Variants in ASXL2 observed in about 807,000 individuals in gnomAD.
ASXL2 encodes the protein ASXL transcriptional regulator 2.
Under a neutral mutation model 122.0 loss-of-function variants are expected in ASXL2, and 23 were observed. The observed-to-expected ratio is 0.19, with a 90% CI of 0.14 to 0.27. The LOEUF is 0.27. Ranked by LOEUF, ASXL2 falls within the 10% of genes least tolerant of loss-of-function variation. The probability of loss-of-function intolerance (pLI) is 1.00; values close to 1 mark genes in which losing one functional copy is unlikely to be tolerated. For synonymous variants in ASXL2, 650 were observed against 637.0 expected (o/e 1.02, Z -0.31); for missense variants, 1,518 against 1,713.8 (o/e 0.89, Z 2.02).
intron 5 of ASXL2, among the ~76,000 whole-genome samples, chr2:25,796,351 G>C (rs2088910669): frequency 6.6e-6 from 1 of 152,132 alleles, no homozygotes; most frequent in Non-Finnish European, 1.5e-5. Flanking sequence ...TGTCTGTTTT[G>C]CTCTGGAACA....
At chr2:25,797,342 G>C (rs530619063) in intron 5 of ASXL2, among the ~76,000 whole-genome samples, 1 of 152,284 alleles carries the variant, frequency 6.6e-6, no homozygotes, top group South Asian at 2.1e-4. Flanking sequence ...CTACTCGGGA[G>C]GCCAAGGCAG....
At chr2:25,772,215 G>A (rs1318743945) in intron 5 of ASXL2, among the ~76,000 whole-genome samples, 2 of 152,046 alleles carry the variant, frequency 1.3e-5, no homozygotes, top group Non-Finnish European at 2.9e-5. Flanking sequence ...AGATATTTAT[G>A]TTCTATAAAA....
intron 1 of ASXL2, chr2:25,856,560 C>A: frequency 1.7e-6 from 2 of 1,143,322 alleles, no homozygotes; most frequent in South Asian, 2.4e-5. Context: ...TTTCGCCAGA[C>A]GCTCCAAGGG....
At position 25,799,378 on chromosome 2, in the gene ASXL2, G is replaced by A. The variant is rs1407414379; in HGVS notation, c.403+7C>T. 1 of 1,613,960 alleles carries A rather than the reference G, an allele frequency of 6.2e-7. No individual in the cohort carries two copies. The highest frequency in any genetic ancestry group is 1.7e-5 in the Admixed American group (1 of 60,022). ...TAGTACTTTATTGAAGGATCAGGTG[G>A]ATTTACCTTTCCTTTTCCACCTGCT... On this transcript the variant is annotated splice_region_variant and intron_variant, in intron 5 of 12. Transcript: ENST00000435504.
chr2:25,759,575 A>G lies in ASXL2; in HGVS notation c.846T>C (p.Asn282=), dbSNP rs1323640242. The change falls in exon 9 of 13, where the codon AAT becomes AAC. Residue 282 remains asparagine (N), a synonymous_variant. Transcript: ENST00000435504. ...ETPDSILVNT[N]LRALINKHTF... ...TGTGCTTGTTGATCAGTGCTCGCAGATTTGTATTAACCAGAATGGAGTCCG... is the reference window on the plus strand; with the variant it reads ...TGTGCTTGTTGATCAGTGCTCGCAGGTTTGTATTAACCAGAATGGAGTCCG... The G allele has an allele frequency of 6.2e-7, 1 of 1,613,992 alleles. No homozygotes were observed. The highest frequency in any genetic ancestry group is 1.1e-5 in the South Asian group (1 of 91,084).
At position 25,735,238 on chromosome 2, in the gene ASXL2, T is replaced by C. The variant is rs2087716070; in HGVS notation, c.*6791A>G. ...ACATGGAAGTACAGAGTCTATACAG[T>C]CTCTATGAAAAACAAAAGCAAAACT... On this transcript the variant is annotated 3_prime_UTR_variant, in exon 13 of 13. Coordinates refer to ENST00000435504, the MANE Select transcript of ASXL2 (RefSeq NM_018263.6). The C allele has an allele frequency of 6.6e-6, 1 of 152,136 alleles. No individual in the cohort carries two copies. The allele number at this position is 152,136 out of a possible 1,614,324, so 9.4% of individuals were successfully genotyped here. A position where few individuals can be genotyped will look rare whatever the true frequency, so the allele number is the denominator to read the frequency against.
chr2:25,749,739 T>C lies in ASXL2; in HGVS notation c.1817A>G (p.Asn606Ser), dbSNP rs748727475. 3.2e-6 allele frequency: 5 copies of C among 1,556,058 alleles called. No individual in the cohort carries two copies. Among genetic ancestry groups the C allele is most frequent in the South Asian group, 1.3e-5 (1 of 79,710 alleles). Residue 606 changes from asparagine to serine, a missense_variant, in exon 12 of 13, where the codon AAT becomes AGT. Asn to Ser is a conservative substitution (Grantham distance 46, BLOSUM62 1). Coordinates refer to ENST00000435504, the MANE Select transcript of ASXL2 (RefSeq NM_018263.6). ...PFQVSPQPFL[N>S]RGDRIQVRKV... ...TCGCACCTGGATTCTGTCCCCTCTA[T>C]TGAGAAAGGGCTGTGGTGAGACCTG...
Position 25,878,187 on chromosome 2 carries a change from G to A in ASXL2, c.36C>T (p.Thr12=). 6.2e-7 allele frequency: 1 copy of A among 1,613,662 alleles called. No homozygotes were observed. ...REKGRRKKGR[T]WAEAAKTVLE... ...TTACCGTCTTGGCGGCCTCCGCCCA[G>A]GTCCTGCCCTTCTTCCTACGTCCCT... Residue 12 remains threonine, a synonymous_variant, in exon 1 of 13, where the codon ACC becomes ACT. Coordinates refer to ENST00000435504, the MANE Select transcript of ASXL2 (RefSeq NM_018263.6).
At chr2:25,819,201 G>C (rs938348207) in intron 3 of ASXL2, among the ~76,000 whole-genome samples, 1 of 152,150 alleles carries the variant, frequency 6.6e-6, no homozygotes, top group Admixed American at 6.5e-5. Flanking sequence ...CTGCATTGCC[G>C]AGGATCAGGT....
chr2:25,750,309 T>C lies in ASXL2; in HGVS notation c.1247A>G (p.Glu416Gly). Reference protein sequence around the residue: ...AEQPKSMPVSEASLIRIVPVV... With the variant: ...AEQPKSMPVSGASLIRIVPVV... Reference sequence around the variant, plus strand: ...TGGAACTATTCTGATAAGAGAGGCCTCTGACACAGGCATGGATTTTGGTTG... The same window carrying C: ...TGGAACTATTCTGATAAGAGAGGCCCCTGACACAGGCATGGATTTTGGTTG... Residue 416 changes from glutamate to glycine, a missense_variant, in exon 12 of 13, where the codon GAG becomes GGG. Glu to Gly is a moderately conservative substitution (Grantham distance 98). Transcript: ENST00000435504. The C allele has an allele frequency of 6.2e-7, 1 of 1,614,046 alleles. No homozygotes were observed. The highest frequency in any genetic ancestry group is 1.7e-5 in the Admixed American group (1 of 60,026).
At position 25,819,286 on chromosome 2, in the gene ASXL2, T is replaced by G. The variant is rs113772216; in HGVS notation, c.144-12949A>C. The stretch of plus-strand genomic sequence containing the variant: ...CTGTTTTAAGCTGCTAAATCTGTGA[T>G]AATATTGTTAAGCAGCAATAGATTA... On this transcript the variant is annotated intron_variant, in intron 3 of 12. Coordinates refer to ENST00000435504, the MANE Select transcript of ASXL2 (RefSeq NM_018263.6). Among the ~76,000 whole-genome samples the G allele has an allele frequency of 3.5e-3, 530 of 152,320 alleles. 2 individuals carry two copies. The highest frequency in any genetic ancestry group is 0.012 in the African/African-American group (488 of 41,560).
chr2:25,789,629 C>T (rs926775110), intron 5 of ASXL2, among the ~76,000 whole-genome samples: 1 of 151,984 alleles, frequency 6.6e-6, no homozygotes, highest in Admixed American at 6.6e-5. Context: ...ACATGAAATG[C>T]CCAAAATCAG....
intron 1 of ASXL2, among the ~76,000 whole-genome samples, chr2:25,857,400 T>C (rs2089793457): frequency 6.6e-6 from 1 of 152,180 alleles, no homozygotes; most frequent in South Asian, 2.1e-4. Flanking sequence ...TATGTACCCA[T>C]CTCTGCATAT....
intron 4 of ASXL2, among the ~76,000 whole-genome samples, chr2:25,800,894 C>T (rs11687457): frequency 0.39 from 59,273 of 152,006 alleles, 13,178 homozygotes; most frequent in Non-Finnish European, 0.51. Context: ...TAAAAATACA[C>T]ATGTATGGCT....
intron 12 of ASXL2, among the ~76,000 whole-genome samples, chr2:25,747,848 G>A (rs894159046): frequency 1.3e-5 from 2 of 152,100 alleles, no homozygotes; most frequent in African/African-American, 4.8e-5. Flanking sequence ...CCATAGATTC[G>A]TAAGTGCTAA....
intron 5 of ASXL2, among the ~76,000 whole-genome samples, chr2:25,775,703 T>C (rs975700174): frequency 6.6e-6 from 1 of 152,110 alleles, no homozygotes. Flanking sequence ...TGGAACTAAC[T>C]ATGAGTCAAC....
At chr2:25,847,669 C>CA (rs2089664235) in intron 1 of ASXL2, among the ~76,000 whole-genome samples, 1 of 152,046 alleles carries the variant, frequency 6.6e-6, no homozygotes, top group Non-Finnish European at 1.5e-5. Context: ...TGAAAATAAA[C>CA]AAAAATACAC....
At chr2:25,844,088 GC>G (rs2089620912) in intron 2 of ASXL2, among the ~76,000 whole-genome samples, 2 of 151,920 alleles carry the variant, frequency 1.3e-5, no homozygotes, top group Non-Finnish European at 1.5e-5. Flanking sequence ...CTCAAAAACA[GC>G]CCCCCAAAAT....
chr2:25,878,393 G>A lies in ASXL2; in HGVS notation c.-171C>T, dbSNP rs2090028741. 1 of 607,808 alleles carries A rather than the reference G, an allele frequency of 1.6e-6. No individual in the cohort carries two copies. Among genetic ancestry groups the A allele is most frequent in the Admixed American group, 3.0e-5 (1 of 33,588 alleles). 37.7% of individuals were successfully genotyped at this position (607,808 alleles called of 1,614,324 possible). The stretch of plus-strand genomic sequence containing the variant: ...AGCGGCGGGGGTGGTGCGCGGGGGG[G>A]TCTATGGGGCGGCCGGTCCTCTTGC... On this transcript the variant is annotated 5_prime_UTR_variant, in exon 1 of 13. Transcript: ENST00000435504.
Sources: allele counts gnomAD v4.1 joint callset (sites outside exome capture counted in the v4.1 genomes callset), GRCh38; gene constraint gnomAD v4.1.1; transcripts MANE v1.5; gene names NCBI Gene and HGNC (gene_info 2026-07-23, HGNC 2026-07-21).